The following GLIPR1L2 variants were observed in gnomAD, a reference collection of about 807,000 sequenced individuals.
GLIPR1L2 encodes the protein GLIPR1-like protein 2.
A neutral mutation model predicts 28.4 loss-of-function variants in GLIPR1L2; 21 were observed. The ratio of observed to expected loss-of-function variants is 0.74; its 90% CI spans 0.52 to 1.06. The LOEUF is 1.06. GLIPR1L2 is among the 50% of genes least tolerant of loss of function. The pLI is 0.00. For missense variants in GLIPR1L2, 476 were observed against 416.9 expected (o/e 1.14, Z -1.23); for synonymous variants, 145 against 139.3 (o/e 1.04, Z -0.29).
chr12:75,403,624 T>C (rs191686563), intron 1 of GLIPR1L2, among the ~76,000 whole-genome samples: 60 of 152,276 alleles, frequency 3.9e-4, no homozygotes, highest in African/African-American at 1.3e-3. Context: ...ACTTCAAATC[T>C]CTGCACACTG....
At position 75,430,946 on chromosome 12, in the gene GLIPR1L2, G is replaced by A. The variant is rs1189822740; in HGVS notation, c.820G>A (p.Val274Ile). ...CCTGTGTGTCATAACTGTTTTGATA[G>A]TACAGTCTCAGTTTCCAAATATCTT... The part of the protein sequence containing the change: ...FILCVITVLI[V>I]QSQFPNILLE... Residue 274 changes from valine to isoleucine, a missense_variant, in exon 6 of 6, where the codon GTA (valine) becomes ATA (isoleucine). Val to Ile is a conservative substitution (Grantham distance 29, BLOSUM62 3). Coordinates refer to ENST00000550916, the MANE Select transcript of GLIPR1L2 (RefSeq NM_001270396.2). 1 of 1,535,444 alleles carries A rather than the reference G, an allele frequency of 6.5e-7. No individual in the cohort carries two copies. Among genetic ancestry groups the A allele is most frequent in the South Asian group, 1.2e-5 (1 of 84,048 alleles).
chr12:75,426,652 C>G (rs1278705956), intron 4 of GLIPR1L2, among the ~76,000 whole-genome samples: 3 of 152,220 alleles, frequency 2.0e-5, no homozygotes, highest in African/African-American at 7.2e-5. Flanking sequence ...TGACTTCACA[C>G]TCACGTGGTA....
chr12:75,392,539 C>G (rs2045637009), intron 1 of GLIPR1L2, among the ~76,000 whole-genome samples: 1 of 152,064 alleles, frequency 6.6e-6, no homozygotes, highest in Admixed American at 6.6e-5. Flanking sequence ...GCTGAAGATA[C>G]TTTTTTCTAA....
At position 75,431,241 on chromosome 12, in the gene GLIPR1L2, A is replaced by G. The variant is rs2046090658; in HGVS notation, c.*80A>G. ...CAAAAAAAGACAGAAAAAAAAAAAA[A>G]GTAAAACACTGAGTTTTAACAAGAA... On this transcript the variant is annotated 3_prime_UTR_variant, in exon 6 of 6. Transcript: ENST00000550916. 1.7e-6 allele frequency: 1 copy of G among 589,724 alleles called. No homozygotes were observed. The highest frequency in any genetic ancestry group is 3.1e-5 in the Admixed American group (1 of 32,080). The allele number at this position is 589,724 out of a possible 1,614,324, so 36.5% of individuals were successfully genotyped here.
At chr12:75,402,305 T>G (rs2045750467) in intron 1 of GLIPR1L2, among the ~76,000 whole-genome samples, 1 of 152,166 alleles carries the variant, frequency 6.6e-6, no homozygotes, top group South Asian at 2.1e-4. Flanking sequence ...TAGGTAACAA[T>G]AAAGATAATT....
At chr12:75,414,003 T>C (rs1427271407) in intron 3 of GLIPR1L2, among the ~76,000 whole-genome samples, 1 of 152,022 alleles carries the variant, frequency 6.6e-6, no homozygotes, top group African/African-American at 2.4e-5. Context: ...AAATTTATAG[T>C]AAAAGTAGAA....
intron 1 of GLIPR1L2, among the ~76,000 whole-genome samples, chr12:75,394,314 C>T (rs567828688): frequency 1.3e-5 from 2 of 151,910 alleles, no homozygotes; most frequent in South Asian, 2.1e-4. Context: ...TATTTTTTGT[C>T]GTATCCAAGA....
chr12:75,405,404 GGAA>G (rs1376341658), intron 1 of GLIPR1L2, among the ~76,000 whole-genome samples: 1 of 152,108 alleles, frequency 6.6e-6, no homozygotes, highest in African/African-American at 2.4e-5. Context: ...GGTAACATGG[GGAA>G]GAAGAAGAGG....
At chr12:75,419,808 A>G (rs1179052355) in intron 3 of GLIPR1L2, among the ~76,000 whole-genome samples, 4 of 152,230 alleles carry the variant, frequency 2.6e-5, no homozygotes, top group Non-Finnish European at 5.9e-5. Flanking sequence ...AATTTGAGAC[A>G]GAAAAACAAC....
intron 1 of GLIPR1L2, among the ~76,000 whole-genome samples, chr12:75,392,450 T>A (rs1379473218): frequency 6.6e-6 from 1 of 152,212 alleles, no homozygotes; most frequent in African/African-American, 2.4e-5. Context: ...CGTCATTTCC[T>A]TTACCTTTTA....
At chr12:75,402,970 TC>T (rs1359145032) in intron 1 of GLIPR1L2, 1 of 456,572 alleles carries the variant, frequency 2.2e-6, no homozygotes, top group African/African-American at 2.0e-5. Context: ...CTAAATAAAG[TC>T]CTCCACTTTG....
chr12:75,430,815 T>A lies in GLIPR1L2; in HGVS notation c.698-9T>A. On this transcript the variant is annotated splice_polypyrimidine_tract_variant and intron_variant, in intron 5 of 5. Coordinates refer to ENST00000550916, the MANE Select transcript of GLIPR1L2 (RefSeq NM_001270396.2). ...GAAATCCAGCTTTCAATTGCTTCTTTGTTTACAGATTACCGATTTTGGTAT... is the reference window on the plus strand; with the variant it reads ...GAAATCCAGCTTTCAATTGCTTCTTAGTTTACAGATTACCGATTTTGGTAT... 1 of 1,532,782 alleles carries A rather than the reference T, an allele frequency of 6.5e-7. No individual in the cohort carries two copies. The allele number at this position is 1,532,782 out of a possible 1,614,324, so 94.9% of individuals were successfully genotyped here. A position where few individuals can be genotyped will look rare whatever the true frequency, so the allele number is the denominator to read the frequency against.
At chr12:75,392,633 TTC>T (rs1473640067) in intron 1 of GLIPR1L2, among the ~76,000 whole-genome samples, 3 of 152,122 alleles carry the variant, frequency 2.0e-5, no homozygotes, top group Non-Finnish European at 4.4e-5. Flanking sequence ...TTGTGACTAA[TTC>T]TGTTTCTTCC....
chr12:75,392,939 GTAAA>G lies in GLIPR1L2; in HGVS notation c.234+1592_234+1595del, dbSNP rs533991482. Reference sequence around the variant, plus strand: ...TTTTATTAGGACATAAATATTAACTGTAAATAGTATAGTCTATCATAATAGTATG... The same window carrying G: ...TTTTATTAGGACATAAATATTAACTGTAGTATAGTCTATCATAATAGTATG... On this transcript the variant is annotated intron_variant, in intron 1 of 5. Transcript: ENST00000550916. 2.1e-3 allele frequency among the ~76,000 whole-genome samples: 324 copies of G among 152,046 alleles called. 1 individual carries two copies. The highest frequency in any genetic ancestry group is 6.4e-3 in the African/African-American group (267 of 41,500).
At position 75,391,097 on chromosome 12, in the gene GLIPR1L2, CT is replaced by C. The variant is rs2045573786; in HGVS notation, c.-19del. ...GGACGGCCAGCGCGTGCGCACTGGCCTGTCAGCGGCCGGTGGACCATGGAGG... is the reference window on the plus strand; with the variant it reads ...GGACGGCCAGCGCGTGCGCACTGGCCGTCAGCGGCCGGTGGACCATGGAGG... On this transcript the variant is annotated 5_prime_UTR_variant, in exon 1 of 6. Transcript: ENST00000550916. The C allele has an allele frequency of 1.3e-6, 2 of 1,578,708 alleles. No homozygotes were observed. The highest frequency in any genetic ancestry group is 2.7e-5 in the African/African-American group (2 of 74,118).
chr12:75,427,052 A>G (rs80138361), intron 4 of GLIPR1L2, among the ~76,000 whole-genome samples: 18 of 152,338 alleles, frequency 1.2e-4, no homozygotes, highest in African/African-American at 4.3e-4. Flanking sequence ...AATACAAGAA[A>G]TATTGGAAAC....
At chr12:75,430,648 A>T (rs2046081881) in intron 4 of GLIPR1L2, 67 bp from the exon 5 acceptor site, 7 of 1,397,732 alleles carry the variant, frequency 5.0e-6, no homozygotes, top group Non-Finnish European at 5.8e-6. Context: ...TTATTGGGAG[A>T]TTATCTTATT....
intron 2 of GLIPR1L2, 133 bp downstream of exon 2, chr12:75,410,812 A>T: frequency 3.0e-6 from 2 of 670,902 alleles, no homozygotes; most frequent in Non-Finnish European, 4.7e-6. Context: ...AATTTTAATC[A>T]ATCTTCCTAG....
At chr12:75,414,380 A>C (rs1382311256) in intron 3 of GLIPR1L2, among the ~76,000 whole-genome samples, 1 of 152,070 alleles carries the variant, frequency 6.6e-6, no homozygotes, top group Non-Finnish European at 1.5e-5. Flanking sequence ...AAAATGTTTG[A>C]ATTAACATCT....
Sources: gnomAD v4.1 joint callset for allele counts (sites outside exome capture counted in the v4.1 genomes callset) on GRCh38, gnomAD v4.1.1 for gene constraint, MANE v1.5 for transcripts, NCBI Gene and HGNC (gene_info 2026-07-23, HGNC 2026-07-21) for gene names.